Variants in FOXN3 observed in about 807,000 individuals in gnomAD.
FOXN3 encodes the protein forkhead box protein N3.
FOXN3 carries 7 observed loss-of-function variants against 38.4 expected under a neutral mutation model. The observed-to-expected ratio is 0.18, with a 90% CI of 0.10 to 0.34. FOXN3 has a LOEUF of 0.34. Among genes scored for constraint, FOXN3 ranks in the 10% least tolerant of loss-of-function variants. FOXN3 has a pLI of 1.00. For synonymous variants in FOXN3, 230 were observed against 242.2 expected, an observed-to-expected ratio of 0.95 and a Z score of 0.47; for missense variants, 456 against 613.4, an observed-to-expected ratio of 0.74 and a Z score of 2.71.
intron 1 of FOXN3, among the ~76,000 whole-genome samples, chr14:89,414,602 G>T (rs1891645419): frequency 6.8e-6 from 1 of 146,532 alleles, no homozygotes; most frequent in African/African-American, 2.5e-5. Flanking sequence ...TGCCCAGGCT[G>T]GAGTGCAGTG....
At chr14:89,254,549 C>T (rs1277902828) in intron 4 of FOXN3, among the ~76,000 whole-genome samples, 1 of 152,160 alleles carries the variant, frequency 6.6e-6, no homozygotes, top group Non-Finnish European at 1.5e-5. Flanking sequence ...TCCCAGATGT[C>T]AAGGGAAGCT....
intron 3 of FOXN3, among the ~76,000 whole-genome samples, chr14:89,321,506 G>A (rs1028681997): frequency 6.6e-6 from 1 of 152,060 alleles, no homozygotes; most frequent in East Asian, 1.9e-4. Context: ...GAACCTGGGC[G>A]GCAGAGTTTG....
At chr14:89,290,305 T>C (rs2139932983) in intron 3 of FOXN3, 1 of 346,706 alleles carries the variant, frequency 2.9e-6, no homozygotes, top group Non-Finnish European at 5.7e-6. Context: ...TTTTGGATGA[T>C]ATGATGCTCA....
At chr14:89,481,326 G>A (rs1461730187) in intron 1 of FOXN3, among the ~76,000 whole-genome samples, 1 of 152,146 alleles carries the variant, frequency 6.6e-6, no homozygotes, top group Non-Finnish European at 1.5e-5. Context: ...GTGGTGGCAG[G>A]GGACCGGACG....
chr14:89,429,475 G>T (rs749463209), intron 1 of FOXN3, among the ~76,000 whole-genome samples: 21 of 152,054 alleles, frequency 1.4e-4, no homozygotes, highest in African/African-American at 5.1e-4. Context: ...AGGAGTTGCT[G>T]GAAAAAGCTC....
intron 1 of FOXN3, among the ~76,000 whole-genome samples, chr14:89,583,828 G>A (rs113891735): frequency 0.036 from 5,500 of 151,486 alleles, 322 homozygotes; most frequent in African/African-American, 0.13. Context: ...CCAAAGTGCT[G>A]GGATTATAGG....
chr14:89,588,440 G>C (rs1175320594), intron 1 of FOXN3, among the ~76,000 whole-genome samples: 1 of 152,224 alleles, frequency 6.6e-6, no homozygotes, highest in East Asian at 1.9e-4. Context: ...ATGGGTGTTT[G>C]TCAGCTTTTC....
At chr14:89,288,667 T>G (rs71199780) in intron 3 of FOXN3, among the ~76,000 whole-genome samples, 12,868 of 61,512 alleles carry the variant, frequency 0.21, 1,981 homozygotes, top group East Asian at 0.43. Context: ...ATAGGCACTC[T>G]CTTTCTCTCT....
At chr14:89,213,430 T>C (rs1488504148) in intron 4 of FOXN3, among the ~76,000 whole-genome samples, 1 of 152,212 alleles carries the variant, frequency 6.6e-6, no homozygotes, top group Non-Finnish European at 1.5e-5. Flanking sequence ...CCTTAGCTGC[T>C]AGGAAACTCG....
At chr14:89,349,705 C>G (rs1320462000) in intron 3 of FOXN3, 2 of 152,566 alleles carry the variant, frequency 1.3e-5, no homozygotes, top group East Asian at 1.9e-4. Context: ...TGCTTCTCAA[C>G]TGAGATGCAG....
chr14:89,373,275 C>T (rs1459220429), intron 2 of FOXN3, among the ~76,000 whole-genome samples: 2 of 152,028 alleles, frequency 1.3e-5, no homozygotes, highest in Non-Finnish European at 2.9e-5. Context: ...GTCTGTAAGA[C>T]TTCTTCATCT....
chr14:89,317,988 A>G (rs1467656182), intron 3 of FOXN3, among the ~76,000 whole-genome samples: 2 of 150,986 alleles, frequency 1.3e-5, no homozygotes, highest in African/African-American at 4.9e-5. Flanking sequence ...TATGTCCCCT[A>G]CCACTGAAAA....
chr14:89,234,588 T>C (rs1884923449), intron 4 of FOXN3, among the ~76,000 whole-genome samples: 1 of 152,030 alleles, frequency 6.6e-6, no homozygotes, highest in Admixed American at 6.5e-5. Context: ...ATTCTCATGA[T>C]ATCTGGTTGT....
chr14:89,219,876 A>C (rs1181578090), intron 4 of FOXN3, among the ~76,000 whole-genome samples: 1 of 152,206 alleles, frequency 6.6e-6, no homozygotes, highest in Non-Finnish European at 1.5e-5. Context: ...GCTGGGATGC[A>C]GCACTGAGGT....
At chr14:89,329,587 G>T (rs1391550742) in intron 3 of FOXN3, among the ~76,000 whole-genome samples, 1 of 152,176 alleles carries the variant, frequency 6.6e-6, no homozygotes, top group Non-Finnish European at 1.5e-5. Flanking sequence ...GCCGGACGCG[G>T]TGGCTCAAGC....
rs145381310 is a variant in FOXN3 at position 89,199,110 on chromosome 14, C to T, written c.746-18304G>A. Among the ~76,000 whole-genome samples the T allele has an allele frequency of 6.8e-3, 1,040 of 152,308 alleles. 20 individuals carry two copies. The highest frequency in any genetic ancestry group is 0.024 in the African/African-American group (977 of 41,570). ...CACGGGGTGCCGTCAGCTCTACTGA[C>T]GTCATTTGCCATGAATATTTCTTCC... On this transcript the variant is annotated intron_variant, in intron 4 of 5. Coordinates refer to ENST00000557258, the MANE Select transcript of FOXN3 (RefSeq NM_005197.4).
At chr14:89,527,698 T>C (rs1243418995) in intron 1 of FOXN3, among the ~76,000 whole-genome samples, 1 of 136,884 alleles carries the variant, frequency 7.3e-6, no homozygotes, top group Non-Finnish European at 1.5e-5. Context: ...CCTATTACAA[T>C]GGCTAATTTT....
chr14:89,229,061 A>T (rs185269035), intron 4 of FOXN3, among the ~76,000 whole-genome samples: 13 of 152,308 alleles, frequency 8.5e-5, no homozygotes, highest in African/African-American at 2.9e-4. Context: ...GTAATAAGCA[A>T]TCAGAACAAC....
intron 4 of FOXN3, among the ~76,000 whole-genome samples, chr14:89,269,419 A>G (rs758318310): frequency 1.3e-5 from 2 of 151,768 alleles, no homozygotes; most frequent in Non-Finnish European, 1.5e-5. Flanking sequence ...CTTGAAACCA[A>G]GGGGTTAATT....
Sources: allele counts gnomAD v4.1 joint callset (sites outside exome capture counted in the v4.1 genomes callset), GRCh38; gene constraint gnomAD v4.1.1; transcripts MANE v1.5; gene names NCBI Gene and HGNC (gene_info 2026-07-23, HGNC 2026-07-21).